MAML3: variants seen among roughly 807,000 people sequenced by gnomAD.
MAML3 encodes the protein mastermind-like protein 3.
Under a neutral mutation model 101.9 loss-of-function variants are expected in MAML3, and 27 were observed. That is an observed-to-expected ratio of 0.27 (90% CI 0.20 to 0.37). MAML3 has a LOEUF of 0.37. Ranked by LOEUF, MAML3 falls within the 10% of genes least tolerant of loss-of-function variation. The pLI is 1.00. For missense variants in MAML3, 1,316 were observed against 1,444.9 expected (o/e 0.91, Z 1.45); for synonymous variants, 501 against 555.9 (o/e 0.90, Z 1.39).
At chr4:139,981,122 G>A (rs541601009) in intron 1 of MAML3, among the ~76,000 whole-genome samples, 3 of 152,290 alleles carry the variant, frequency 2.0e-5, no homozygotes, top group Admixed American at 1.3e-4. Flanking sequence ...CTGGAGTCTG[G>A]AAGCCCAAGA....
chr4:139,879,753 C>T (rs1275634505), intron 2 of MAML3, among the ~76,000 whole-genome samples: 2 of 151,970 alleles, frequency 1.3e-5, no homozygotes, highest in Admixed American at 1.3e-4. Context: ...AATGCTTTCC[C>T]CAGGTGATTC....
chr4:140,068,894 C>T (rs1727583329), intron 1 of MAML3, among the ~76,000 whole-genome samples: 1 of 152,144 alleles, frequency 6.6e-6, no homozygotes, highest in Non-Finnish European at 1.5e-5. Flanking sequence ...CCACTACCCT[C>T]GCTTTGTCTG....
intron 1 of MAML3, among the ~76,000 whole-genome samples, chr4:139,941,142 C>T (rs1733589354): frequency 6.6e-6 from 1 of 152,108 alleles, no homozygotes; most frequent in African/African-American, 2.4e-5. Context: ...CTTTTTAAAA[C>T]TTGTTTTCTC....
intron 2 of MAML3, among the ~76,000 whole-genome samples, chr4:139,804,827 A>G (rs1730676066): frequency 6.6e-6 from 1 of 152,196 alleles, no homozygotes; most frequent in African/African-American, 2.4e-5. Flanking sequence ...GTGTGGCTTT[A>G]GAAGTAGAGG....
At chr4:139,776,096 T>C (rs1730091064) in intron 2 of MAML3, among the ~76,000 whole-genome samples, 1 of 152,232 alleles carries the variant, frequency 6.6e-6, no homozygotes, top group Admixed American at 6.5e-5. Context: ...AGGCAAATGA[T>C]AAATGCATCT....
At chr4:139,941,033 A>T (rs1319936710) in intron 1 of MAML3, among the ~76,000 whole-genome samples, 1 of 152,234 alleles carries the variant, frequency 6.6e-6, no homozygotes, top group East Asian at 1.9e-4. Flanking sequence ...TTACAATCAT[A>T]AATTAAAATG....
intron 2 of MAML3, among the ~76,000 whole-genome samples, chr4:139,867,370 G>C (rs1318217147): frequency 1.3e-5 from 2 of 152,188 alleles, no homozygotes; most frequent in East Asian, 1.9e-4. Context: ...AAAATCCATA[G>C]GCCTAGAGGG....
At chr4:139,956,180 A>C (rs1733911575) in intron 1 of MAML3, among the ~76,000 whole-genome samples, 1 of 152,152 alleles carries the variant, frequency 6.6e-6, no homozygotes, top group Non-Finnish European at 1.5e-5. Context: ...GGGAACAATA[A>C]TTTCTGGCAT....
Position 140,153,104 on chromosome 4 carries a change from T to A in MAML3, c.224A>T (p.Glu75Val). The A allele has an allele frequency of 6.4e-7, 1 of 1,551,836 alleles. No homozygotes were observed. The highest frequency in any genetic ancestry group is 8.7e-7 in the Non-Finnish European group (1 of 1,147,320). ...AAVPKHSTVV[E>V]RLRQRIEGCR... ...GCCCTCGATGCGCTGGCGGAGCCGCTCCACCACGGTGCTGTGCTTGGGAAC... is the reference window on the plus strand; with the variant it reads ...GCCCTCGATGCGCTGGCGGAGCCGCACCACCACGGTGCTGTGCTTGGGAAC... The change falls in exon 1 of 5, where the codon GAG becomes GTG. Residue 75 changes from glutamate to valine, a missense_variant. By Grantham distance (121) the Glu-to-Val change is moderately radical. Transcript: ENST00000509479.
At chr4:140,002,570 C>A (rs1262715161) in intron 1 of MAML3, among the ~76,000 whole-genome samples, 1 of 152,170 alleles carries the variant, frequency 6.6e-6, no homozygotes, top group African/African-American at 2.4e-5. Flanking sequence ...TTAAATTCCA[C>A]CATACTATAG....
intron 1 of MAML3, among the ~76,000 whole-genome samples, chr4:140,051,418 G>T (rs371191076): frequency 1.3e-5 from 2 of 151,930 alleles, no homozygotes; most frequent in Middle Eastern, 3.4e-3. Flanking sequence ...TTAGCCAGGC[G>T]TGGTGGTACA....
At chr4:140,036,873 T>C (rs1337717622) in intron 1 of MAML3, among the ~76,000 whole-genome samples, 1 of 152,180 alleles carries the variant, frequency 6.6e-6, no homozygotes, top group Non-Finnish European at 1.5e-5. Flanking sequence ...GAAAACACCT[T>C]GAAGATGACG....
At chr4:139,876,785 C>A (rs1261779336) in intron 2 of MAML3, among the ~76,000 whole-genome samples, 1 of 152,224 alleles carries the variant, frequency 6.6e-6, no homozygotes, top group Non-Finnish European at 1.5e-5. Context: ...ACCTGGGGTG[C>A]CTGCAGGCTG....
At chr4:139,901,385 T>C (rs1365059064) in intron 1 of MAML3, among the ~76,000 whole-genome samples, 4 of 152,226 alleles carry the variant, frequency 2.6e-5, no homozygotes, top group African/African-American at 9.6e-5. Context: ...TGCTCTGTTG[T>C]TTCATATACA....
rs978345239 is a variant in MAML3 at position 139,908,475 on chromosome 4, T to C, written c.469-17508A>G. 6.6e-5 allele frequency among the ~76,000 whole-genome samples: 10 copies of C among 152,198 alleles called. 1 individual carries two copies. The highest frequency in any genetic ancestry group is 2.6e-4 in the Admixed American group (4 of 15,282). ...TATAATAAAGGTTATAAGGGGAATG[T>C]TTAACCTACTTAATATAGAAATGAG... On this transcript the variant is annotated intron_variant, in intron 1 of 4. Coordinates refer to ENST00000509479, the MANE Select transcript of MAML3 (RefSeq NM_018717.5).
At chr4:140,011,587 A>G (rs1055175329) in intron 1 of MAML3, among the ~76,000 whole-genome samples, 4 of 144,162 alleles carry the variant, frequency 2.8e-5, no homozygotes, top group African/African-American at 1.0e-4. Flanking sequence ...CTCATGATCC[A>G]CCCGCCTCGG....
chr4:139,924,129 CTT>C (rs1049380161), intron 1 of MAML3, among the ~76,000 whole-genome samples: 5 of 152,222 alleles, frequency 3.3e-5, no homozygotes, highest in African/African-American at 1.2e-4. Flanking sequence ...CTATTACTCT[CTT>C]TTCCTCTCCC....
intron 1 of MAML3, among the ~76,000 whole-genome samples, chr4:139,967,462 T>C (rs1320434162): frequency 1.5e-5 from 2 of 130,410 alleles, no homozygotes; most frequent in Non-Finnish European, 3.3e-5. Context: ...TAGTTTTCTT[T>C]TTAAGGGACA....
At chr4:139,985,379 A>G (rs1734518776) in intron 1 of MAML3, among the ~76,000 whole-genome samples, 1 of 152,258 alleles carries the variant, frequency 6.6e-6, no homozygotes, top group Non-Finnish European at 1.5e-5. Flanking sequence ...GAATGCTCAA[A>G]TCTTAAAGAG....
Sources: allele counts gnomAD v4.1 joint callset (sites outside exome capture counted in the v4.1 genomes callset), GRCh38; gene constraint gnomAD v4.1.1; transcripts MANE v1.5; gene names NCBI Gene and HGNC (gene_info 2026-07-23, HGNC 2026-07-21).